Variants in TBCD observed in about 807,000 individuals in gnomAD.
TBCD encodes the protein tubulin-specific chaperone D.
A neutral mutation model predicts 169.3 loss-of-function variants in TBCD; 105 were observed. The observed-to-expected ratio is 0.62, with a 90% CI of 0.53 to 0.73. The LOEUF is 0.73. Among genes scored for constraint, TBCD ranks in the 30% least tolerant of loss-of-function variants. The pLI is 0.00. For synonymous variants in TBCD, 700 were observed against 643.9 expected (o/e 1.09, Z -1.32); for missense variants, 1,444 against 1,600.1 (o/e 0.90, Z 1.66).
chr17:82,836,281 TC>T (rs1220992273), intron 13 of TBCD, among the ~76,000 whole-genome samples: 1 of 152,162 alleles, frequency 6.6e-6, no homozygotes, highest in Admixed American at 6.5e-5. Flanking sequence ...CTCGCCGCGC[TC>T]CCTGGTTCTG....
intron 8 of TBCD, among the ~76,000 whole-genome samples, chr17:82,799,304 A>G (rs1324761892): frequency 6.6e-6 from 1 of 151,912 alleles, no homozygotes; most frequent in African/African-American, 2.4e-5. Context: ...TTAGCTGGGC[A>G]TGGTGGCACA....
rs769468107 is a variant in TBCD, at chr17:82,911,771, C to T, written c.2020C>T (p.Gln674Ter). Residue 674 changes from glutamine (Q) to a stop codon, truncating the protein, a stop_gained, in exon 23 of 39, where the codon CAG becomes TAG. Coordinates refer to ENST00000355528, the MANE Select transcript of TBCD (RefSeq NM_005993.5). LOFTEE classifies it high-confidence loss of function. The stretch of plus-strand genomic sequence containing the variant: ...ATTCCTTTTCAGGGGTCTGGGAGGA[C>T]AGCTCATGAGACAAGCAGGTAAGTC... Reference protein sequence around the residue: ...DRQLYRGLGGQLMRQAVCVLI... With the variant: ...DRQLYRGLGG 1 of 1,613,916 alleles carries T rather than the reference C, an allele frequency of 6.2e-7. No individual in the cohort carries two copies. Among genetic ancestry groups the T allele is most frequent in the Admixed American group, 1.7e-5 (1 of 60,012 alleles).
chr17:82,850,388 CTGTTGTTGGCTGTG>C (rs2055667446), intron 13 of TBCD, among the ~76,000 whole-genome samples: 1 of 148,678 alleles, frequency 6.7e-6, no homozygotes, highest in Non-Finnish European at 1.5e-5. Flanking sequence ...GTTGGCTGTG[CTGTTGTTGGCTGTG>C]CTGTTGTTGG....
chr17:82,937,171 C>A (rs1319681549), intron 34 of TBCD, 100 bp from the exon 35 acceptor site: 2 of 1,067,266 alleles, frequency 1.9e-6, no homozygotes, highest in Non-Finnish European at 2.8e-6. Flanking sequence ...TTGGACTGAG[C>A]CACTGGGAGG....
chr17:82,828,710 C>T (rs79737769), intron 13 of TBCD, among the ~76,000 whole-genome samples: 1,591 of 150,288 alleles, frequency 0.011, 21 homozygotes, highest in African/African-American at 0.036. Flanking sequence ...ATACATAATG[C>T]GCATGCACTC....
At chr17:82,814,993 A>G (rs1279065798) in intron 13 of TBCD, 59 bp downstream of exon 13, 1 of 1,597,724 alleles carries the variant, frequency 6.3e-7, no homozygotes, top group Non-Finnish European at 8.5e-7. Context: ...TGGGCAGGAG[A>G]GGCCTGTTGC....
In TBCD at chr17:82,926,482, C is replaced by T. The variant is rs770355151; in HGVS notation, c.2462C>T (p.Ala821Val). ...GAGTCCAGGAGAGACGGCTTGAAGG[C>T]CATTGCGAGGTGAGTCCCAACAGTT... The part of the protein sequence containing the change: ...FAESRRDGLK[A>V]IARICQTVGV... The change falls in exon 28 of 39, where the codon GCC becomes GTC. Residue 821 changes from alanine to valine, a missense_variant. Transcript: ENST00000355528. 1.1e-5 allele frequency: 18 copies of T among 1,613,692 alleles called. No individual in the cohort carries two copies. Among genetic ancestry groups the T allele is most frequent in the Non-Finnish European group, 1.4e-5 (17 of 1,179,804 alleles).
Position 82,767,940 on chromosome 17 carries a change from C to T in TBCD, c.436-480C>T, listed in dbSNP as rs199645625. Among the ~76,000 whole-genome samples the T allele has an allele frequency of 8.7e-5, 13 of 149,982 alleles. No individual in the cohort carries two copies. The East Asian group carries it at 1.2e-3, about 14-fold the overall frequency. On this transcript the variant is annotated intron_variant, in intron 4 of 38. Coordinates refer to ENST00000355528, the MANE Select transcript of TBCD (RefSeq NM_005993.5). Reference sequence around the variant, plus strand: ...CTGCACTCCAGCCTGGGCAACAGAGCGAGACTCCATCTCAAAAAAAAAAAA... The same window carrying T: ...CTGCACTCCAGCCTGGGCAACAGAGTGAGACTCCATCTCAAAAAAAAAAAA...
intron 28 of TBCD, 23 bp from the exon 29 acceptor site, chr17:82,927,159 TGTTA>T (rs1481060955): frequency 6.2e-7 from 1 of 1,613,610 alleles, no homozygotes; most frequent in African/African-American, 1.3e-5. Flanking sequence ...GATGTTTGTT[TGTTA>T]GCTCACACAT....
intron 16 of TBCD, 105 bp from the exon 17 acceptor site, chr17:82,893,442 C>T (rs753300700): frequency 1.5e-5 from 13 of 889,924 alleles, no homozygotes; most frequent in South Asian, 8.7e-5. Flanking sequence ...CCTCAGGGCT[C>T]GGGGTTCATG....
At chr17:82,764,511 G>T (rs2047927986) in intron 3 of TBCD, among the ~76,000 whole-genome samples, 1 of 152,178 alleles carries the variant, frequency 6.6e-6, no homozygotes, top group African/African-American at 2.4e-5. Flanking sequence ...TGGGCTTGGT[G>T]GCACATGACT....
intron 12 of TBCD, 148 bp from the exon 13 acceptor site, chr17:82,814,692 A>G: frequency 1.3e-6 from 1 of 753,282 alleles, no homozygotes; most frequent in Non-Finnish European, 2.2e-6. Context: ...TGATACTTTA[A>G]AAACTTAGGA....
chr17:82,791,792 G>A (rs142267175), intron 7 of TBCD, among the ~76,000 whole-genome samples: 33 of 152,310 alleles, frequency 2.2e-4, no homozygotes, highest in African/African-American at 7.0e-4. Context: ...GAACTGCGTC[G>A]TTGGGCAGTG....
intron 5 of TBCD, among the ~76,000 whole-genome samples, chr17:82,770,459 C>T (rs1598416530): frequency 6.6e-6 from 1 of 151,962 alleles, no homozygotes; most frequent in South Asian, 2.1e-4. Flanking sequence ...ATTAGCTGGG[C>T]GTGGTGGCAC....
At chr17:82,870,134 G>T (rs548481868) in intron 13 of TBCD, 90 bp from the exon 14 acceptor site, 2 of 1,564,502 alleles carry the variant, frequency 1.3e-6, no homozygotes, top group African/African-American at 1.4e-5. Context: ...CACCGTGACC[G>T]CGCTCCGGCC....
intron 13 of TBCD, among the ~76,000 whole-genome samples, chr17:82,834,713 G>A (rs2001310): frequency 0.11 from 15,596 of 142,664 alleles, 1,092 homozygotes; most frequent in South Asian, 0.31. Context: ...ACCAGGGCCT[G>A]TTTAGGGGTG....
chr17:82,755,524 T>C (rs1210129221), intron 1 of TBCD, among the ~76,000 whole-genome samples: 3 of 152,208 alleles, frequency 2.0e-5, no homozygotes, highest in African/African-American at 7.2e-5. Flanking sequence ...GGCTGGAATT[T>C]GGTGTCTTAT....
rs994764291 is a variant in TBCD, at chr17:82,864,836, C to T, written c.1319-5388C>T. Among the ~76,000 whole-genome samples, 1 of 46,792 alleles carries T rather than the reference C, an allele frequency of 2.1e-5. No individual in the cohort carries two copies. The highest frequency in any genetic ancestry group is 8.5e-5 in the African/African-American group (1 of 11,732). 30.7% of individuals were successfully genotyped at this position (46,792 alleles called of 152,430 possible). A position where few individuals can be genotyped will look rare whatever the true frequency, so the allele number is the denominator to read the frequency against. The stretch of plus-strand genomic sequence containing the variant: ...ACTCCCCGGGGCACCGTGGGGACAG[C>T]GGGGGCCTGCTCACTCCCCGGGGCA... On this transcript the variant is annotated intron_variant, in intron 13 of 38. Transcript: ENST00000355528. This position sits in a 1 kb window ranked among gnomAD's most constrained non-coding sequence, Gnocchi z 6.3.
chr17:82,926,933 G>A (rs77672822), intron 28 of TBCD: 7,685 of 559,422 alleles, frequency 0.014, 78 homozygotes, highest in Non-Finnish European at 0.017. Context: ...GTCAGGGTGG[G>A]AAGTGGGAGG....
Sources: allele counts gnomAD v4.1 joint callset (sites outside exome capture counted in the v4.1 genomes callset), GRCh38; gene constraint gnomAD v4.1.1; non-coding constraint Gnocchi (gnomAD v3.1); transcripts MANE v1.5; gene names NCBI Gene and HGNC (gene_info 2026-07-23, HGNC 2026-07-21).